The following CCDC73 variants were observed in gnomAD, a reference collection of about 807,000 sequenced individuals.
CCDC73 encodes the protein coiled-coil domain-containing protein 73.
In CCDC73, 95 loss-of-function variants were observed where a neutral mutation model predicts 116.5. The observed-to-expected ratio is 0.82, with a 90% CI of 0.69 to 0.97. The LOEUF (loss-of-function observed/expected upper bound fraction) is 0.97, where lower values mean the gene tolerates loss of function less well. Among genes scored for constraint, CCDC73 ranks in the 50% least tolerant of loss-of-function variants. CCDC73 has a pLI of 0.00. For synonymous variants in CCDC73, 398 were observed against 401.3 expected (o/e 0.99, Z 0.10); for missense variants, 1,066 against 1,206.8 (o/e 0.88, Z 1.73).
At chr11:32,734,344 A>G (rs1850107189) in intron 2 of CCDC73, among the ~76,000 whole-genome samples, 2 of 152,316 alleles carry the variant, frequency 1.3e-5, no homozygotes, top group South Asian at 4.1e-4. Context: ...CCAGAGGTAC[A>G]AAGAGGAGCT....
In CCDC73 at chr11:32,793,141, A is replaced by G. The variant is rs545185351; in HGVS notation, c.-16+1472T>C. ...CGATATGAAGCCGTATGGAAATTAA[A>G]ACGTTTTCTCAAGCTGCATTAACAC... On this transcript the variant is annotated intron_variant, in intron 1 of 17. Transcript: ENST00000335185. Among the ~76,000 whole-genome samples, 189 of 152,342 alleles carry G rather than the reference A, an allele frequency of 1.2e-3. 1 individual carries two copies. Among genetic ancestry groups the G allele is most frequent in the African/African-American group, 4.5e-3 (186 of 41,580 alleles).
chr11:32,825,582 G>A, the CCDC73 span, among the ~76,000 whole-genome samples: 6 of 152,168 alleles, frequency 3.9e-5, no homozygotes, highest in African/African-American at 1.4e-4. Flanking sequence ...GATTACAGGC[G>A]TGAGCGCTTG....
intron 5 of CCDC73, among the ~76,000 whole-genome samples, 173 bp from the exon 6 acceptor site, chr11:32,699,498 A>G (rs553718495): frequency 7.2e-5 from 11 of 152,356 alleles, no homozygotes; most frequent in Admixed American, 3.3e-4. Context: ...TCTCAATGAT[A>G]GACTGGATTA....
intron 14 of CCDC73, among the ~76,000 whole-genome samples, chr11:32,627,476 A>G (rs184578768): frequency 6.6e-6 from 1 of 152,352 alleles, no homozygotes; most frequent in Admixed American, 6.5e-5. Flanking sequence ...CTGGGTATAT[A>G]CCCAAAGGAT....
chr11:32,711,789 G>A (rs922145849), intron 3 of CCDC73, among the ~76,000 whole-genome samples: 3 of 152,016 alleles, frequency 2.0e-5, no homozygotes, highest in Non-Finnish European at 2.9e-5. Flanking sequence ...CTTTAACAGC[G>A]CCCCTTTCTG....
Position 32,784,149 on chromosome 11 carries a change from G to C in CCDC73, c.-16+10464C>G, listed in dbSNP as rs543141088. On this transcript the variant is annotated intron_variant, in intron 1 of 17. Transcript: ENST00000335185. ...GTTCAAGACCAGCCTGACCAACATG[G>C]AGAAACCCCGTCTCTACTAAAAGAT... is the stretch of plus-strand genomic sequence containing the variant. Among the ~76,000 whole-genome samples the C allele has an allele frequency of 2.0e-5, 3 of 152,212 alleles. No homozygotes were observed. In the South Asian group the frequency reaches 6.2e-4, roughly 32 times the overall value.
intron 2 of CCDC73, among the ~76,000 whole-genome samples, chr11:32,733,633 C>T (rs941405036): frequency 2.0e-5 from 3 of 152,204 alleles, no homozygotes; most frequent in African/African-American, 4.8e-5. Flanking sequence ...AACTGCTCAA[C>T]TACATGGAAA....
intron 9 of CCDC73, among the ~76,000 whole-genome samples, chr11:32,658,637 T>C (rs964042608): frequency 3.3e-5 from 5 of 152,152 alleles, no homozygotes; most frequent in Non-Finnish European, 5.9e-5. Context: ...AATCAGTATC[T>C]TAGTAAACTT....
chr11:32,607,259 A>AT (rs1479910312), intron 17 of CCDC73, among the ~76,000 whole-genome samples: 2 of 148,376 alleles, frequency 1.3e-5, no homozygotes, highest in South Asian at 2.2e-4. Context: ...CGCCCGGCTA[A>AT]TTTTTTGTAT....
chr11:32,749,526 C>T (rs1455829153), intron 2 of CCDC73, among the ~76,000 whole-genome samples: 2 of 151,908 alleles, frequency 1.3e-5, no homozygotes, highest in Non-Finnish European at 2.9e-5. Context: ...TCCCTGTTGC[C>T]TTATTAGTTT....
intron 12 of CCDC73, among the ~76,000 whole-genome samples, chr11:32,644,644 T>C (rs1282642492): frequency 6.6e-6 from 1 of 152,112 alleles, no homozygotes; most frequent in Non-Finnish European, 1.5e-5. Context: ...GGAGCTCCCA[T>C]TTCCCCTCCC....
At chr11:32,733,031 G>A (rs528264161) in intron 2 of CCDC73, among the ~76,000 whole-genome samples, 8 of 152,236 alleles carry the variant, frequency 5.3e-5, no homozygotes, top group East Asian at 3.9e-4. Flanking sequence ...CCCATCTCAC[G>A]TGCAGAGACA....
chr11:32,707,753 G>T (rs533778449), intron 3 of CCDC73, among the ~76,000 whole-genome samples: 1 of 152,052 alleles, frequency 6.6e-6, no homozygotes, highest in South Asian at 2.1e-4. Flanking sequence ...CACTCCTGAT[G>T]AATTATAAAC....
chr11:32,605,846 T>C (rs1855343000), intron 17 of CCDC73: 1 of 152,236 alleles, frequency 6.6e-6, no homozygotes, highest in South Asian at 2.1e-4. Flanking sequence ...CTTCGTTCTT[T>C]CGTCTCCTAT....
At chr11:32,825,878 C>T in the CCDC73 span, among the ~76,000 whole-genome samples, 1 of 152,244 alleles carries the variant, frequency 6.6e-6, no homozygotes, top group South Asian at 2.1e-4. Context: ...AGTGACAGTT[C>T]TGTGGCCAGC....
chr11:32,612,265 C>A lies in CCDC73; in HGVS notation c.2897-1000G>T, dbSNP rs1855428319. On this transcript the variant is annotated intron_variant, in intron 16 of 17. Coordinates refer to ENST00000335185, the MANE Select transcript of CCDC73 (RefSeq NM_001008391.4). ...AAAGTTCCCTTAAAATATAAGAATG[C>A]CTTTAACAACCTTAGCAACTTTTGA... 2.0e-5 allele frequency among the ~76,000 whole-genome samples: 3 copies of A among 152,000 alleles called. No individual in the cohort carries two copies. The South Asian group carries it at 6.2e-4, about 32-fold the overall frequency.
the CCDC73 span, among the ~76,000 whole-genome samples, chr11:32,815,864 C>G: frequency 6.6e-6 from 1 of 152,274 alleles, no homozygotes; most frequent in South Asian, 2.1e-4. Context: ...CAATCCTGCC[C>G]TTTTAGATCT....
At chr11:32,682,367 A>G (rs1286331694) in intron 7 of CCDC73, 1 of 152,000 alleles carries the variant, frequency 6.6e-6, no homozygotes, top group Non-Finnish European at 1.5e-5. Context: ...ATGGTTTAAA[A>G]TAGTCTGACA....
intron 10 of CCDC73, among the ~76,000 whole-genome samples, chr11:32,654,590 C>T (rs1855854331): frequency 6.6e-6 from 1 of 152,152 alleles, no homozygotes; most frequent in South Asian, 2.1e-4. Context: ...AAACTCATCT[C>T]CAAAGCTGTC....
Sources: gnomAD v4.1 joint callset for allele counts (sites outside exome capture counted in the v4.1 genomes callset) on GRCh38, gnomAD v4.1.1 for gene constraint, MANE v1.5 for transcripts, NCBI Gene and HGNC (gene_info 2026-07-23, HGNC 2026-07-21) for gene names.